Variants in LYST observed in about 807,000 individuals in gnomAD.
LYST encodes lysosomal-trafficking regulator.
In LYST, 192 loss-of-function variants were observed where a neutral mutation model predicts 413.6. That is an observed-to-expected ratio of 0.46 (90% CI 0.41 to 0.52). The LOEUF (loss-of-function observed/expected upper bound fraction) is 0.52, where lower values mean the gene tolerates loss of function less well. Ranked by LOEUF, LYST falls within the 20% of genes least tolerant of loss-of-function variation. LYST has a pLI of 0.00. For synonymous variants in LYST, 1,525 were observed against 1,567.3 expected (o/e 0.97, Z 0.64); for missense variants, 3,815 against 4,499.9 (o/e 0.85, Z 4.35).
chr1:235,759,638 A>G, intron 22 of LYST, 39 bp from the exon 23 acceptor site: 1 of 1,441,152 alleles, frequency 6.9e-7, no homozygotes, highest in Non-Finnish European at 9.8e-7. Flanking sequence ...TTAAAAATCT[A>G]TTAAGTGGAA....
chr1:235,665,146 T>TA (rs1354245823), intron 50 of LYST, among the ~76,000 whole-genome samples: 1 of 151,596 alleles, frequency 6.6e-6, no homozygotes, highest in African/African-American at 2.4e-5. Context: ...AGCGAAAAAA[T>TA]AAAAATAAGA....
chr1:235,752,975 C>T, intron 26 of LYST, 69 bp downstream of exon 26: 1 of 845,696 alleles, frequency 1.2e-6, no homozygotes, highest in South Asian at 1.5e-5. Flanking sequence ...GTAAAGTAAA[C>T]TAATACTAAA....
chr1:235,724,028 C>G lies in LYST; in HGVS notation c.9315G>C (p.Lys3105Asn). 6.2e-7 allele frequency: 1 copy of G among 1,612,974 alleles called. No individual in the cohort carries two copies. The highest frequency in any genetic ancestry group is 8.5e-7 in the Non-Finnish European group (1 of 1,179,114). ...RTLLLAFDNT[K>N]VRDDVYHNIL... is the part of the protein sequence containing the mutation. ...TATCAATTAATAAGGGTGAATTTAC[C>G]TTGGTGTTATCAAATGCCAACAGGA... is the stretch of plus-strand genomic sequence containing the variant. The change falls in exon 39 of 53, where the codon AAG becomes AAC. Residue 3105 changes from lysine to asparagine, a missense_variant and splice_region_variant. By Grantham distance (94) the Lys-to-Asn change is moderately conservative. Transcript: ENST00000389793.
chr1:235,868,143 C>T (rs577016995), upstream of LYST, among the ~76,000 whole-genome samples: 2 of 152,210 alleles, frequency 1.3e-5, no homozygotes, highest in Admixed American at 1.3e-4. Flanking sequence ...TTGCCCACTT[C>T]CTCTGGCAGG....
At chr1:235,748,485 T>A (rs1257008856) in intron 28 of LYST, among the ~76,000 whole-genome samples, 1 of 152,176 alleles carries the variant, frequency 6.6e-6, no homozygotes, top group Non-Finnish European at 1.5e-5. Flanking sequence ...AATATTTATG[T>A]TTCTTAATAT....
At position 235,802,926 on chromosome 1, in the gene LYST, C is replaced by A; in HGVS notation, c.3694G>T (p.Gly1232Cys). Residue 1232 changes from glycine (G) to cysteine (C), a missense_variant, in exon 8 of 53, where the codon GGC becomes TGC. Gly to Cys is a radical substitution (Grantham distance 159). Around this residue, in one of 4 missense-constraint regions of LYST, gnomAD observed 1,648 missense variants for 1,810.3 expected, o/e 0.91. Coordinates refer to ENST00000389793, the MANE Select transcript of LYST (RefSeq NM_000081.4). ...EADSESNPED[G>C]ETQDDGVDLK... ...ATTTTACCATCATCCTGGGTTTCGC[C>A]ATCTTCAGGATTGCTTTCACTATCT... The A allele has an allele frequency of 6.2e-7, 1 of 1,613,530 alleles. No individual in the cohort carries two copies. Among genetic ancestry groups the A allele is most frequent in the Non-Finnish European group, 8.5e-7 (1 of 1,179,822 alleles).
intron 48 of LYST, among the ~76,000 whole-genome samples, chr1:235,684,654 C>T (rs777357885): frequency 2.0e-5 from 3 of 152,102 alleles, no homozygotes; most frequent in Admixed American, 1.3e-4. Flanking sequence ...CTCACTCTGC[C>T]GCCCAGGCTG....
chr1:235,730,779 T>C (rs900318674), intron 36 of LYST, 68 bp downstream of exon 36: 17 of 1,035,012 alleles, frequency 1.6e-5, no homozygotes, highest in Non-Finnish European at 2.6e-5. Context: ...AAAATAAATA[T>C]TACATAAACA....
At chr1:235,839,831 T>C (rs1677019424) in intron 1 of LYST, 1 of 151,154 alleles carries the variant, frequency 6.6e-6, no homozygotes, top group Non-Finnish European at 1.5e-5. Flanking sequence ...TGAAATAAAA[T>C]AAAATAAAAT....
At chr1:235,822,737 C>T (rs1330379475) in intron 3 of LYST, among the ~76,000 whole-genome samples, 1 of 152,232 alleles carries the variant, frequency 6.6e-6, no homozygotes, top group Admixed American at 6.5e-5. Context: ...TTCCCCATCC[C>T]TTAAATCTGA....
rs766070741 is a variant in LYST, at chr1:235,759,008, T to A, written c.6845A>T (p.Tyr2282Phe). 5 of 1,613,956 alleles carry A rather than the reference T, an allele frequency of 3.1e-6. No homozygotes were observed. In the South Asian group the frequency reaches 3.3e-5, roughly 11 times the overall value. ...TGCAGTTCGGTTGTAATTTGGCTCA[T>A]AACCAAGAGAATAGGCAAAGTTTTC... ...DWENFAYSLGYEPNYNRTASA... is the reference protein window; with the variant it reads ...DWENFAYSLGFEPNYNRTASA... The change falls in exon 23 of 53, where the codon TAT becomes TTT. Residue 2282 changes from tyrosine (Y) to phenylalanine (F), a missense_variant. By Grantham distance (22) the Tyr-to-Phe change is conservative (BLOSUM62 3). Around this residue, in one of 4 missense-constraint regions of LYST, gnomAD observed 771 missense variants for 837.1 expected, o/e 0.92. Transcript: ENST00000389793.
chr1:235,738,377 T>C, intron 31 of LYST: 2 of 1,613,092 alleles, frequency 1.2e-6, no homozygotes, highest in Non-Finnish European at 1.7e-6. Context: ...TGTTGTAAAA[T>C]ACAGCCCGAA....
chr1:235,792,786 C>T (rs527679405), intron 11 of LYST, among the ~76,000 whole-genome samples: 24 of 152,020 alleles, frequency 1.6e-4, no homozygotes, highest in African/African-American at 5.8e-4. Context: ...GCCTCAGCCT[C>T]CTGAGTAGCT....
intron 1 of LYST, among the ~76,000 whole-genome samples, chr1:235,866,019 G>T (rs1047310608): frequency 2.1e-4 from 32 of 152,112 alleles, no homozygotes; most frequent in Middle Eastern, 3.2e-3. Context: ...AGCGGATCGG[G>T]GATGTTTTGC....
At chr1:235,766,052 T>C (rs1384812461) in intron 21 of LYST, 27 bp downstream of exon 21, 18 of 1,531,726 alleles carry the variant, frequency 1.2e-5, no homozygotes, top group African/African-American at 4.1e-5. Flanking sequence ...GAAATAGCCA[T>C]GATCTAACAA....
chr1:235,738,525 G>C (rs1665026065), intron 31 of LYST: 2 of 1,611,740 alleles, frequency 1.2e-6, no homozygotes, highest in African/African-American at 1.3e-5. Flanking sequence ...CCCAATGGGG[G>C]AAAGGCTGGG....
At chr1:235,882,491 C>T (rs1681422990) in intron 1 of LYST, among the ~76,000 whole-genome samples, 1 of 152,018 alleles carries the variant, frequency 6.6e-6, no homozygotes, top group Admixed American at 6.6e-5. Flanking sequence ...TGGGCAGTTG[C>T]CTGAAGAGAG....
At position 235,728,062 on chromosome 1, in the gene LYST, A is replaced by G; in HGVS notation, c.9162+14T>C. On this transcript the variant is annotated intron_variant, in intron 38 of 52. Coordinates refer to ENST00000389793, the MANE Select transcript of LYST (RefSeq NM_000081.4). ...TCTAGATTTATGTAAATACAGACTT[A>G]AGCCTCTACTCACCGAACTTTCAAC... 6.3e-7 allele frequency: 1 copy of G among 1,592,568 alleles called. No homozygotes were observed. Among genetic ancestry groups the G allele is most frequent in the Non-Finnish European group, 8.6e-7 (1 of 1,160,550 alleles).
At chr1:235,784,090 G>C (rs2103489196) in intron 14 of LYST, among the ~76,000 whole-genome samples, 1 of 152,158 alleles carries the variant, frequency 6.6e-6, no homozygotes, top group Non-Finnish European at 1.5e-5. Flanking sequence ...ATGTTGCCCA[G>C]GTTGGTCTTG....
Sources: allele counts gnomAD v4.1 joint callset (sites outside exome capture counted in the v4.1 genomes callset), GRCh38; gene constraint gnomAD v4.1.1; regional missense constraint gnomAD v4.1.1; transcripts MANE v1.5; gene names NCBI Gene and HGNC (gene_info 2026-07-23, HGNC 2026-07-21).